The following FZD3 variants were observed in gnomAD, a reference collection of about 807,000 sequenced individuals.
FZD3 encodes the protein frizzled-3.
Under a neutral mutation model 60.7 loss-of-function variants are expected in FZD3, and 30 were observed. The observed-to-expected ratio is 0.49, with a 90% CI of 0.37 to 0.67. The LOEUF is 0.67. Ranked by LOEUF, FZD3 falls within the 30% of genes least tolerant of loss-of-function variation. FZD3 has a pLI of 0.00. For missense variants in FZD3, 605 were observed against 838.7 expected (o/e 0.72, Z 3.44); for synonymous variants, 246 against 275.2 (o/e 0.89, Z 1.05).
chr8:28,541,864 T>TA (rs1391130473), intron 5 of FZD3, among the ~76,000 whole-genome samples: 2 of 152,196 alleles, frequency 1.3e-5, no homozygotes, highest in Admixed American at 1.3e-4. Flanking sequence ...CTTTCTCACA[T>TA]ATCTCAGATC....
chr8:28,550,481 CTTTTTTTTTT>C (rs386412443), intron 5 of FZD3, among the ~76,000 whole-genome samples: 2 of 34,336 alleles, frequency 5.8e-5, no homozygotes, highest in African/African-American at 2.7e-4. Flanking sequence ...CTTCTTTTAT[CTTTTTTTTTT>C]TTTTTTTTTT....
At chr8:28,521,852 C>A (rs1804588857) in intron 4 of FZD3, among the ~76,000 whole-genome samples, 1 of 152,044 alleles carries the variant, frequency 6.6e-6, no homozygotes, top group South Asian at 2.1e-4. Context: ...TAGGTTGTTT[C>A]CAGATTTTTG....
intron 6 of FZD3, among the ~76,000 whole-genome samples, chr8:28,554,132 T>C (rs77057828): frequency 0.013 from 1,954 of 152,346 alleles, 47 homozygotes; most frequent in African/African-American, 0.044. Flanking sequence ...ACCATACTTA[T>C]GCTAATAATT....
Position 28,568,433 on chromosome 8 carries a change from T to C in FZD3, c.*5422T>C, listed in dbSNP as rs1447660804. On this transcript the variant is annotated 3_prime_UTR_variant, in exon 8 of 8. Transcript: ENST00000240093. The stretch of plus-strand genomic sequence containing the variant: ...TAGGTATCGCATGCCTTCCGTCTGA[T>C]TGTAATCAGTCTCCTGGGTTTTTTA... 6.6e-6 allele frequency: 1 copy of C among 152,136 alleles called. No individual in the cohort carries two copies. Among genetic ancestry groups the C allele is most frequent in the Non-Finnish European group, 1.5e-5 (1 of 67,996 alleles). 9.4% of individuals were successfully genotyped at this position (152,136 alleles called of 1,614,324 possible).
chr8:28,515,792 T>G (rs1804411649), intron 3 of FZD3, among the ~76,000 whole-genome samples: 1 of 152,244 alleles, frequency 6.6e-6, no homozygotes. Flanking sequence ...TGGCATCAGC[T>G]GAAACCAATT....
intron 5 of FZD3, among the ~76,000 whole-genome samples, chr8:28,545,788 G>A (rs1249935581): frequency 6.6e-6 from 1 of 151,838 alleles, no homozygotes; most frequent in African/African-American, 2.4e-5. Flanking sequence ...AGTGCATATT[G>A]GTATATTAAA....
Position 28,572,395 on chromosome 8 carries a change from C to T in FZD3, c.*9384C>T, listed in dbSNP as rs529499450. 9 of 152,226 alleles carry T rather than the reference C, an allele frequency of 5.9e-5. No individual in the cohort carries two copies. Among genetic ancestry groups the T allele is most frequent in the African/African-American group, 1.9e-4 (8 of 41,542 alleles). 9.4% of individuals were successfully genotyped at this position (152,226 alleles called of 1,614,324 possible). A position where few individuals can be genotyped will look rare whatever the true frequency, so the allele number is the denominator to read the frequency against. ...TTTATGAAGGAGACTCTACAGATAA[C>T]CACAAATCTTATCAAGAAAATTCTC... On this transcript the variant is annotated 3_prime_UTR_variant, in exon 8 of 8. Coordinates refer to ENST00000240093, the MANE Select transcript of FZD3 (RefSeq NM_017412.4).
intron 3 of FZD3, among the ~76,000 whole-genome samples, chr8:28,507,688 T>C (rs1804176507): frequency 1.3e-5 from 2 of 152,306 alleles, no homozygotes; most frequent in Admixed American, 6.5e-5. Context: ...TCCCCCGTTA[T>C]TAGTTTTTAG....
Position 28,551,682 on chromosome 8 carries a change from T to C in FZD3, c.1484T>C (p.Val495Ala). The change falls in exon 6 of 8, where the codon GTA (valine) becomes GCA (alanine). Residue 495 changes from valine (V) to alanine (A), a missense_variant. Physicochemically the swap from Val to Ala is moderately conservative, Grantham distance 64 (BLOSUM62 0). Transcript: ENST00000240093. ...GCTCTCATAGTTGGCATTCCCTCTGTATTTTGGGTTGGAAGCAAAAAGACA... is the reference window on the plus strand; with the variant it reads ...GCTCTCATAGTTGGCATTCCCTCTGCATTTTGGGTTGGAAGCAAAAAGACA... ...LMALIVGIPSVFWVGSKKTCF... is the reference protein window; with the variant it reads ...LMALIVGIPSAFWVGSKKTCF... The C allele has an allele frequency of 6.2e-7, 1 of 1,612,850 alleles. No individual in the cohort carries two copies. Among genetic ancestry groups the C allele is most frequent in the East Asian group, 2.2e-5 (1 of 44,832 alleles).
At position 28,567,022 on chromosome 8, in the gene FZD3, C is replaced by T. The variant is rs891789637; in HGVS notation, c.*4011C>T. 3 of 152,192 alleles carry T rather than the reference C, an allele frequency of 2.0e-5. No homozygotes were observed. Among genetic ancestry groups the T allele is most frequent in the East Asian group, 1.9e-4 (1 of 5,204 alleles). The allele number at this position is 152,192 out of a possible 1,614,324, so 9.4% of individuals were successfully genotyped here. A position where few individuals can be genotyped will look rare whatever the true frequency, so the allele number is the denominator to read the frequency against. The stretch of plus-strand genomic sequence containing the variant: ...ATAGAGACAGGGTCTTGCTCTGTCA[C>T]ACAGGCTGGAGAGCAGTGGCATAAT... On this transcript the variant is annotated 3_prime_UTR_variant, in exon 8 of 8. Coordinates refer to ENST00000240093, the MANE Select transcript of FZD3 (RefSeq NM_017412.4).
In FZD3 at chr8:28,564,442, TAAAAAAAAAAA is replaced by T. The variant is rs11299885; in HGVS notation, c.*1444_*1454del. The T allele has an allele frequency of 1.8e-5, 2 of 112,388 alleles. No individual in the cohort carries two copies. The highest frequency in any genetic ancestry group is 3.5e-5 in the Non-Finnish European group (2 of 56,536). 7.0% of individuals were successfully genotyped at this position (112,388 alleles called of 1,614,324 possible). On this transcript the variant is annotated 3_prime_UTR_variant, in exon 8 of 8. Transcript: ENST00000240093. ...TACAAATAAGAATTGGTAGCTTTCT[TAAAAAAAAAAA>T]AAAAAAAAAAAAGCGCTCCAGGTGA...
At chr8:28,518,474 C>G (rs935524013) in intron 3 of FZD3, among the ~76,000 whole-genome samples, 7 of 152,156 alleles carry the variant, frequency 4.6e-5, no homozygotes, top group African/African-American at 1.7e-4. Flanking sequence ...CAGGACTTCT[C>G]AGCAGAAAGT....
chr8:28,539,074 A>G (rs1165057889), intron 5 of FZD3, among the ~76,000 whole-genome samples: 3 of 152,138 alleles, frequency 2.0e-5, no homozygotes, highest in Non-Finnish European at 4.4e-5. Flanking sequence ...CTTCAGGAAT[A>G]TGATAGTTAT....
intron 5 of FZD3, among the ~76,000 whole-genome samples, chr8:28,548,111 C>T (rs900107081): frequency 9.9e-5 from 15 of 152,074 alleles, no homozygotes; most frequent in Non-Finnish European, 1.6e-4. Flanking sequence ...CCTCAGCCTC[C>T]GAAAGCGCTG....
intron 5 of FZD3, among the ~76,000 whole-genome samples, chr8:28,532,593 A>G (rs1804907380): frequency 6.7e-6 from 1 of 149,964 alleles, no homozygotes; most frequent in South Asian, 2.1e-4. Flanking sequence ...ATGCTTGGCT[A>G]ACTTTTTTTT....
chr8:28,571,216 C>A lies in FZD3; in HGVS notation c.*8205C>A, dbSNP rs1348246026. On this transcript the variant is annotated 3_prime_UTR_variant, in exon 8 of 8. Transcript: ENST00000240093. ...ATTTACTTTATGTTTAGCCATCCAC[C>A]ATTTTCCTATTTCTCTACTCCTCCC... The A allele has an allele frequency of 6.6e-6, 1 of 152,094 alleles. No homozygotes were observed. Among genetic ancestry groups the A allele is most frequent in the African/African-American group, 2.4e-5 (1 of 41,436 alleles). The allele number at this position is 152,094 out of a possible 1,614,324, so 9.4% of individuals were successfully genotyped here.
At position 28,541,593 on chromosome 8, in the gene FZD3, T is replaced by C. The variant is rs546401513; in HGVS notation, c.1405-10010T>C. 4.5e-4 allele frequency among the ~76,000 whole-genome samples: 68 copies of C among 152,330 alleles called. 2 individuals are homozygous for C. The South Asian group carries it at 9.1e-3, about 20-fold the overall frequency. ...TCTCTGTTTTCTTTCCTTTCTCCCT[T>C]TTTTCTGTATAATCTTATCCAGTCC... On this transcript the variant is annotated intron_variant, in intron 5 of 7. Transcript: ENST00000240093.
intron 7 of FZD3, among the ~76,000 whole-genome samples, chr8:28,560,271 C>T (rs1398182344): frequency 6.6e-6 from 1 of 152,040 alleles, no homozygotes; most frequent in African/African-American, 2.4e-5. Flanking sequence ...AATTGTTTTG[C>T]CTAAGCTTAT....
In FZD3 at chr8:28,565,863, A is replaced by G. The variant is rs981916861; in HGVS notation, c.*2852A>G. ...CCATATGTTTAACTTTGATTGGCATATGATAATGTTTAGTGTTTTCTTTTT... is the reference window on the plus strand; with the variant it reads ...CCATATGTTTAACTTTGATTGGCATGTGATAATGTTTAGTGTTTTCTTTTT... On this transcript the variant is annotated 3_prime_UTR_variant, in exon 8 of 8. Transcript: ENST00000240093. The G allele has an allele frequency of 6.6e-6, 1 of 152,176 alleles. No homozygotes were observed. The highest frequency in any genetic ancestry group is 1.5e-5 in the Non-Finnish European group (1 of 67,988). The allele number at this position is 152,176 out of a possible 1,614,324, so 9.4% of individuals were successfully genotyped here. A position where few individuals can be genotyped will look rare whatever the true frequency, so the allele number is the denominator to read the frequency against.
Sources: gnomAD v4.1 joint callset for allele counts (sites outside exome capture counted in the v4.1 genomes callset) on GRCh38, gnomAD v4.1.1 for gene constraint, MANE v1.5 for transcripts, NCBI Gene and HGNC (gene_info 2026-07-23, HGNC 2026-07-21) for gene names.